TANC2: variants seen among roughly 807,000 people sequenced by gnomAD.
TANC2 encodes protein TANC2.
A neutral mutation model predicts 210.5 loss-of-function variants in TANC2; 26 were observed. The observed-to-expected ratio is 0.12, with a 90% CI of 0.09 to 0.17. The LOEUF is 0.17. Ranked by LOEUF, TANC2 falls within the 10% of genes least tolerant of loss-of-function variation. TANC2 has a pLI of 1.00. For missense variants in TANC2, 2,129 were observed against 2,608.9 expected, an observed-to-expected ratio of 0.82 and a Z score of 4.01; for synonymous variants, 931 against 967.1, an observed-to-expected ratio of 0.96 and a Z score of 0.69.
intron 7 of TANC2, among the ~76,000 whole-genome samples, chr17:63,213,298 A>G (rs1056118732): frequency 1.1e-4 from 16 of 152,220 alleles, no homozygotes; most frequent in African/African-American, 3.9e-4. Context: ...AGCATCTGCT[A>G]GGACACACAA....
Position 63,314,759 on chromosome 17 carries a change from C to CTCATCT in TANC2, c.1441+91_1441+96dup, listed in dbSNP as rs2045260437. On this transcript the variant is annotated intron_variant, in intron 10 of 27. Transcript: ENST00000689528. ...ATTAGGTCGTATATCCTTTTATTTT[C>CTCATCT]TCATCTGCAAAACCTGACTTCCACG... is the stretch of plus-strand genomic sequence containing the variant. 2.7e-6 allele frequency: 4 copies of CTCATCT among 1,485,422 alleles called. No homozygotes were observed. In the African/African-American group the frequency reaches 5.6e-5, roughly 21 times the overall value. 92.0% of individuals were successfully genotyped at this position (1,485,422 alleles called of 1,614,324 possible).
At chr17:63,331,195 A>G (rs1428271343) in intron 11 of TANC2, among the ~76,000 whole-genome samples, 2 of 152,258 alleles carry the variant, frequency 1.3e-5, no homozygotes, top group Non-Finnish European at 2.9e-5. Context: ...ATGATGCATT[A>G]TCACTTCTTT....
chr17:63,121,974 G>T (rs2145139803), intron 4 of TANC2, among the ~76,000 whole-genome samples: 1 of 151,508 alleles, frequency 6.6e-6, no homozygotes, highest in South Asian at 2.1e-4. Flanking sequence ...CTCTTGCGGG[G>T]GGAGGGGGGA....
chr17:63,236,069 C>G (rs1193233323), intron 7 of TANC2, among the ~76,000 whole-genome samples: 1 of 151,948 alleles, frequency 6.6e-6, no homozygotes, highest in Non-Finnish European at 1.5e-5. Flanking sequence ...CTATTAGTTC[C>G]TGCTTAGGGA....
intron 7 of TANC2, among the ~76,000 whole-genome samples, chr17:63,235,103 T>C (rs1415642048): frequency 6.6e-6 from 1 of 152,104 alleles, no homozygotes; most frequent in Non-Finnish European, 1.5e-5. Context: ...CTTTGGCCTT[T>C]GAGTTGTTAG....
At chr17:63,311,105 A>G (rs1342524855) in intron 9 of TANC2, among the ~76,000 whole-genome samples, 1 of 152,242 alleles carries the variant, frequency 6.6e-6, no homozygotes, top group Non-Finnish European at 1.5e-5. Context: ...AAATGAAAGT[A>G]GTAATAACTA....
chr17:63,207,246 C>T (rs1171274214), intron 7 of TANC2, among the ~76,000 whole-genome samples: 6 of 122,500 alleles, frequency 4.9e-5, no homozygotes, highest in East Asian at 2.4e-4. Context: ...GACAGAGTCT[C>T]GCACTTTCGC....
chr17:63,380,253 A>G (rs1266139279), intron 15 of TANC2, among the ~76,000 whole-genome samples: 1 of 152,182 alleles, frequency 6.6e-6, no homozygotes, highest in Non-Finnish European at 1.5e-5. Flanking sequence ...TCAAACCAAC[A>G]CTAACCTTCC....
intron 5 of TANC2, among the ~76,000 whole-genome samples, chr17:63,171,543 C>T (rs1346717533): frequency 1.3e-5 from 2 of 152,100 alleles, no homozygotes; most frequent in Non-Finnish European, 2.9e-5. Context: ...AGAATAAGAG[C>T]TATCATGCAA....
chr17:63,397,160 AGCTACTCGGGAGGCTGAGACAGGAGAATC>A (rs1237705410), intron 18 of TANC2, among the ~76,000 whole-genome samples: 3 of 152,062 alleles, frequency 2.0e-5, no homozygotes, highest in Admixed American at 6.6e-5. Context: ...CTGTAATCCC[AGCTACTCGGGAGGCTGAGACAGGAGAATC>A]GCCTGAACCC....
intron 4 of TANC2, among the ~76,000 whole-genome samples, chr17:63,139,866 T>G (rs1323822370): frequency 6.6e-6 from 1 of 152,186 alleles, no homozygotes; most frequent in Non-Finnish European, 1.5e-5. Flanking sequence ...ATCACACTAC[T>G]GCACTTCAGC....
intron 5 of TANC2, among the ~76,000 whole-genome samples, chr17:63,174,633 G>A (rs758342397): frequency 3.9e-5 from 6 of 152,024 alleles, no homozygotes; most frequent in East Asian, 1.9e-4. Flanking sequence ...GAGTAAATGC[G>A]GAGATTCCCC....
At chr17:63,340,239 C>T (rs762791990) in exon 12 of TANC2, 2 of 1,614,000 alleles carry the variant, frequency 1.2e-6, no homozygotes, top group East Asian at 2.2e-5. Context: ...GGAACCTCAC[C>T]TGCAGAGCAT....
intron 3 of TANC2, among the ~76,000 whole-genome samples, chr17:63,074,874 A>G (rs1368559530): frequency 1.3e-5 from 2 of 152,192 alleles, no homozygotes; most frequent in African/African-American, 4.8e-5. Flanking sequence ...CTTTAATAGC[A>G]TAAAATAAAA....
chr17:63,065,267 C>T (rs2036155198), intron 2 of TANC2, among the ~76,000 whole-genome samples: 1 of 152,186 alleles, frequency 6.6e-6, no homozygotes, highest in African/African-American at 2.4e-5. Context: ...TGTGTATTCA[C>T]CCACACATTC....
chr17:63,109,175 C>T (rs780129487), intron 4 of TANC2, among the ~76,000 whole-genome samples: 1 of 151,240 alleles, frequency 6.6e-6, no homozygotes, highest in African/African-American at 2.5e-5. Flanking sequence ...ATAAGGAGAT[C>T]GAGGAAGACA....
At chr17:63,033,171 A>C (rs969495900) in intron 2 of TANC2, among the ~76,000 whole-genome samples, 1 of 152,114 alleles carries the variant, frequency 6.6e-6, no homozygotes, top group East Asian at 1.9e-4. Context: ...AGCTCTGTCA[A>C]CCCCATTGTT....
chr17:63,234,939 T>C (rs760813373), intron 7 of TANC2, among the ~76,000 whole-genome samples: 8 of 152,298 alleles, frequency 5.3e-5, no homozygotes, highest in Non-Finnish European at 1.0e-4. Flanking sequence ...TATCTCATGG[T>C]ACAATTTAAA....
At chr17:63,307,628 CAT>C (rs1424564987) in intron 9 of TANC2, among the ~76,000 whole-genome samples, 1 of 152,208 alleles carries the variant, frequency 6.6e-6, no homozygotes, top group Non-Finnish European at 1.5e-5. Flanking sequence ...AGAACTGTCA[CAT>C]AATCACAGAA....
Sources: gnomAD v4.1 joint callset for allele counts (sites outside exome capture counted in the v4.1 genomes callset) on GRCh38, gnomAD v4.1.1 for gene constraint, MANE v1.5 for transcripts, NCBI Gene and HGNC (gene_info 2026-07-23, HGNC 2026-07-21) for gene names.